The following DSC2 variants were observed in gnomAD, a reference collection of about 807,000 sequenced individuals.
DSC2 encodes desmocollin-2.
In DSC2, 51 loss-of-function variants were observed where a neutral mutation model predicts 87.6. The ratio of observed to expected loss-of-function variants is 0.58; its 90% CI spans 0.46 to 0.74. The LOEUF is 0.74. Among genes scored for constraint, DSC2 ranks in the 30% least tolerant of loss-of-function variants. The probability of loss-of-function intolerance (pLI) is 0.00; values close to 1 mark genes in which losing one functional copy is unlikely to be tolerated. For synonymous variants in DSC2, 383 were observed against 393.2 expected (o/e 0.97, Z 0.31); for missense variants, 1,066 against 1,089.5 (o/e 0.98, Z 0.30).
rs1442142796 is a variant in DSC2, at chr18:31,064,331, C to T, written c.*3684G>A. On this transcript the variant is annotated 3_prime_UTR_variant, in exon 16 of 16. Coordinates refer to ENST00000280904, the MANE Select transcript of DSC2 (RefSeq NM_024422.6). Reference sequence around the variant, plus strand: ...GGGAGAGTGGCTGATTCATCTTGCACTTTCTCATAGAAGCACAGTCCTTCT... The same window carrying T: ...GGGAGAGTGGCTGATTCATCTTGCATTTTCTCATAGAAGCACAGTCCTTCT... The T allele has an allele frequency of 6.6e-6, 1 of 152,182 alleles. No individual in the cohort carries two copies. Among genetic ancestry groups the T allele is most frequent in the Admixed American group, 6.6e-5 (1 of 15,262 alleles). The allele number at this position is 152,182 out of a possible 1,614,324, so 9.4% of individuals were successfully genotyped here. A position where few individuals can be genotyped will look rare whatever the true frequency, so the allele number is the denominator to read the frequency against.
At position 31,063,426 on chromosome 18, in the gene DSC2, A is replaced by AAC. The variant is rs373387633; in HGVS notation, c.*4587_*4588dup. On this transcript the variant is annotated 3_prime_UTR_variant, in exon 16 of 16. Transcript: ENST00000280904. Reference sequence around the variant, plus strand: ...TTAGTGTCCTACATGAAAGAAAAGAAACACACACACAAACCTGTAGATGAA... The same window carrying AAC: ...TTAGTGTCCTACATGAAAGAAAAGAAACACACACACACAAACCTGTAGATGAA... The AAC allele has an allele frequency of 6.6e-6, 1 of 152,160 alleles. No homozygotes were observed. Among genetic ancestry groups the AAC allele is most frequent in the Non-Finnish European group, 1.5e-5 (1 of 68,044 alleles). The allele number at this position is 152,160 out of a possible 1,614,324, so 9.4% of individuals were successfully genotyped here.
At chr18:31,076,906 A>T (rs2144805456) in intron 11 of DSC2, among the ~76,000 whole-genome samples, 1 of 152,332 alleles carries the variant, frequency 6.6e-6, no homozygotes, top group South Asian at 2.1e-4. Context: ...AAGAAGAGAT[A>T]CCAGAAGATA....
At chr18:31,068,477 T>A (rs1249330324) in intron 15 of DSC2, 1 of 964,034 alleles carries the variant, frequency 1.0e-6, no homozygotes, top group Admixed American at 2.1e-5. Context: ...CTACTTTCCC[T>A]TTCAAAATTT....
At position 31,062,132 on chromosome 18, in the gene DSC2, G is replaced by A. The variant is rs1986513442; in HGVS notation, c.*5883C>T. Reference sequence around the variant, plus strand: ...CCCTATTCTCTACTTCTTGTGTGAAGATTTTCTTCTCTCAGGGCACACATG... The same window carrying A: ...CCCTATTCTCTACTTCTTGTGTGAAAATTTTCTTCTCTCAGGGCACACATG... On this transcript the variant is annotated 3_prime_UTR_variant, in exon 16 of 16. Coordinates refer to ENST00000280904, the MANE Select transcript of DSC2 (RefSeq NM_024422.6). 1 of 152,164 alleles carries A rather than the reference G, an allele frequency of 6.6e-6. No individual in the cohort carries two copies. Among genetic ancestry groups the A allele is most frequent in the Non-Finnish European group, 1.5e-5 (1 of 68,040 alleles). 9.4% of individuals were successfully genotyped at this position (152,164 alleles called of 1,614,324 possible).
chr18:31,063,653 A>T lies in DSC2; in HGVS notation c.*4362T>A, dbSNP rs1986546538. 6.6e-6 allele frequency: 1 copy of T among 152,210 alleles called. No homozygotes were observed. The highest frequency in any genetic ancestry group is 2.4e-5 in the African/African-American group (1 of 41,456). The allele number at this position is 152,210 out of a possible 1,614,324, so 9.4% of individuals were successfully genotyped here. A position where few individuals can be genotyped will look rare whatever the true frequency, so the allele number is the denominator to read the frequency against. ...AATTAGTACAGAAGGTCCTCAACTT[A>T]AGATGGCTCGATCTGATATTTCAAC... is the stretch of plus-strand genomic sequence containing the variant. On this transcript the variant is annotated 3_prime_UTR_variant, in exon 16 of 16. Transcript: ENST00000280904.
rs1303404389 is a variant in DSC2 at position 31,089,716 on chromosome 18, T to C, written c.475-122A>G. 7 of 938,934 alleles carry C rather than the reference T, an allele frequency of 7.5e-6. No individual in the cohort carries two copies. In the East Asian group the frequency reaches 8.5e-5, roughly 11 times the overall value. The allele number at this position is 938,934 out of a possible 1,614,324, so 58.2% of individuals were successfully genotyped here. ...AATAATTGCCCTTAATTTATTATTA[T>C]ATATAAATTAAAACAGCAATAGAAT... On this transcript the variant is annotated intron_variant, in intron 4 of 15. Coordinates refer to ENST00000280904, the MANE Select transcript of DSC2 (RefSeq NM_024422.6).
intron 6 of DSC2, 142 bp downstream of exon 6, chr18:31,087,527 T>C: frequency 3.0e-6 from 3 of 988,442 alleles, no homozygotes; most frequent in Middle Eastern, 3.3e-4. Context: ...ATCACACAGC[T>C]AGTGAAACAC....
intron 11 of DSC2, among the ~76,000 whole-genome samples, chr18:31,079,510 C>T (rs1291796051): frequency 6.6e-6 from 1 of 152,154 alleles, no homozygotes; most frequent in African/African-American, 2.4e-5. Flanking sequence ...CAGCCTTAGC[C>T]TCCCAAAGTG....
rs906941108 is a variant in DSC2 at position 31,065,422 on chromosome 18, T to A, written c.*2593A>T. The A allele has an allele frequency of 6.6e-6, 1 of 152,216 alleles. No homozygotes were observed. The highest frequency in any genetic ancestry group is 2.4e-5 in the African/African-American group (1 of 41,450). The allele number at this position is 152,216 out of a possible 1,614,324, so 9.4% of individuals were successfully genotyped here. ...ATGAATTAACTCTGACAAAGCCCTG[T>A]CAAGTAGACTCCTCTACCCTCCTCA... On this transcript the variant is annotated 3_prime_UTR_variant, in exon 16 of 16. Transcript: ENST00000280904.
intron 1 of DSC2, 64 bp downstream of exon 1, chr18:31,101,839 A>C: frequency 7.0e-7 from 1 of 1,424,162 alleles, no homozygotes; most frequent in Non-Finnish European, 9.3e-7. Flanking sequence ...CCGTTCCCCT[A>C]GTTTTCCTCT....
In DSC2 at chr18:31,101,976, A is replaced by T. The variant is rs763546570; in HGVS notation, c.-5T>A. On this transcript the variant is annotated 5_prime_UTR_variant, in exon 1 of 16. Transcript: ENST00000280904. ...GGAGGGGCGGGCTGCCTCCATGGAG[A>T]GGGCTCGGGGCAGGTCGCGGGCCGA... 2.6e-6 allele frequency: 4 copies of T among 1,521,588 alleles called. No homozygotes were observed. The South Asian group carries it at 4.9e-5, about 18-fold the overall frequency. 94.3% of individuals were successfully genotyped at this position (1,521,588 alleles called of 1,614,324 possible).
chr18:31,077,345 G>A (rs1042419886), intron 11 of DSC2, among the ~76,000 whole-genome samples: 1 of 152,184 alleles, frequency 6.6e-6, no homozygotes, highest in African/African-American at 2.4e-5. Context: ...ACTGCTGGTT[G>A]TCTTGAACAT....
chr18:31,082,998 T>C lies in DSC2; in HGVS notation c.1005A>G (p.Leu335=), dbSNP rs917161304. The stretch of plus-strand genomic sequence containing the variant: ...TAATGATACAAGTTGAAGTTGTCTG[T>C]AGACCAAAATACTGACCATCCATGT... The part of the protein sequence containing the change: ...VQDMDGQYFG[L]QTTSTCIINI... The change falls in exon 8 of 16, where the codon CTA becomes CTG. Residue 335 remains leucine, a synonymous_variant. Transcript: ENST00000280904. The C allele has an allele frequency of 7.4e-6, 12 of 1,613,430 alleles. No individual in the cohort carries two copies. Among genetic ancestry groups the C allele is most frequent in the Non-Finnish European group, 1.0e-5 (12 of 1,179,856 alleles).
intron 1 of DSC2, among the ~76,000 whole-genome samples, chr18:31,094,934 C>G (rs1163624006): frequency 1.3e-5 from 2 of 152,154 alleles, no homozygotes; most frequent in African/African-American, 4.8e-5. Flanking sequence ...ATTCATTCAA[C>G]CAACATTTAC....
chr18:31,092,054 C>G, intron 3 of DSC2, 47 bp downstream of exon 3: 1 of 1,550,262 alleles, frequency 6.5e-7, no homozygotes, highest in Non-Finnish European at 8.9e-7. Context: ...ATGTTGATTA[C>G]GTCTGAAGAA....
chr18:31,072,414 G>T (rs1470529462), intron 12 of DSC2, among the ~76,000 whole-genome samples: 1 of 152,138 alleles, frequency 6.6e-6, no homozygotes, highest in African/African-American at 2.4e-5. Context: ...AGGACAAAGG[G>T]ACCAACTGCA....
chr18:31,086,235 A>G (rs995126688), intron 7 of DSC2, among the ~76,000 whole-genome samples: 37 of 152,200 alleles, frequency 2.4e-4, no homozygotes, highest in African/African-American at 8.4e-4. Context: ...CTTTTCATCT[A>G]TGTAAGAGGT....
At chr18:31,073,154 T>C (rs898031915) in intron 12 of DSC2, among the ~76,000 whole-genome samples, 1 of 152,118 alleles carries the variant, frequency 6.6e-6, no homozygotes, top group Non-Finnish European at 1.5e-5. Context: ...CTCAGACAAG[T>C]ACATCTTTAA....
intron 5 of DSC2, among the ~76,000 whole-genome samples, chr18:31,088,902 T>C (rs1987492352): frequency 6.6e-6 from 1 of 151,876 alleles, no homozygotes; most frequent in Admixed American, 6.6e-5. Context: ...GGTGGCTCAG[T>C]CCTGTAATCC....
Sources: gnomAD v4.1 joint callset for allele counts (sites outside exome capture counted in the v4.1 genomes callset) on GRCh38, gnomAD v4.1.1 for gene constraint, MANE v1.5 for transcripts, NCBI Gene and HGNC (gene_info 2026-07-23, HGNC 2026-07-21) for gene names.